The following KIAA1549L variants were observed in gnomAD, a reference collection of about 807,000 sequenced individuals.
KIAA1549L encodes the protein KIAA1549 like.
Under a neutral mutation model 160.7 loss-of-function variants are expected in KIAA1549L, and 88 were observed. The ratio of observed to expected loss-of-function variants is 0.55; its 90% confidence interval spans 0.46 to 0.65. The LOEUF (loss-of-function observed/expected upper bound fraction) is 0.65. Among genes scored for constraint, KIAA1549L ranks in the 30% least tolerant of loss-of-function variants. The pLI, the probability that KIAA1549L is intolerant of heterozygous loss-of-function variation, is 0.00. For missense variants in KIAA1549L, 2,258 were observed against 2,437.5 expected (o/e 0.93, Z 1.55); for synonymous variants, 950 against 976.7 (o/e 0.97, Z 0.51).
intron 1 of KIAA1549L, among the ~76,000 whole-genome samples, chr11:33,516,683 A>C (rs549844516): frequency 6.6e-6 from 1 of 152,172 alleles, no homozygotes; most frequent in Non-Finnish European, 1.5e-5. Flanking sequence ...ATTCAGTCTT[A>C]AAACAAACAA....
chr11:33,413,035 G>C (rs949185367), intron 1 of KIAA1549L, among the ~76,000 whole-genome samples: 2 of 151,990 alleles, frequency 1.3e-5, no homozygotes, highest in African/African-American at 4.8e-5. Flanking sequence ...GAGGGAATAT[G>C]AATAAAATTT....
At chr11:33,584,929 A>G (rs921794008) in intron 11 of KIAA1549L, among the ~76,000 whole-genome samples, 1 of 152,208 alleles carries the variant, frequency 6.6e-6, no homozygotes, top group Non-Finnish European at 1.5e-5. Flanking sequence ...AGCCATTGGA[A>G]TGCATGTCGG....
At chr11:33,435,344 T>C (rs547563348) in intron 1 of KIAA1549L, among the ~76,000 whole-genome samples, 1 of 152,254 alleles carries the variant, frequency 6.6e-6, no homozygotes, top group African/African-American at 2.4e-5. Context: ...GAATGGACAT[T>C]TGCTTTATAG....
chr11:33,499,671 C>T (rs1331889456), intron 1 of KIAA1549L, among the ~76,000 whole-genome samples: 3 of 152,162 alleles, frequency 2.0e-5, no homozygotes, highest in Admixed American at 2.0e-4. Flanking sequence ...TATCTCACTT[C>T]CACGTCCCCT....
chr11:33,625,629 G>GT (rs1221201434), intron 16 of KIAA1549L, among the ~76,000 whole-genome samples: 3,094 of 151,412 alleles, frequency 0.02, 104 homozygotes, highest in African/African-American at 0.066. Context: ...TTGTAAATTT[G>GT]TTGAGTTCAT....
At chr11:33,477,507 G>GCACGCGCA (rs374982374) in intron 1 of KIAA1549L, among the ~76,000 whole-genome samples, 243 of 131,818 alleles carry the variant, frequency 1.8e-3, no homozygotes, top group Admixed American at 8.3e-3. Context: ...GCAGGTGCAC[G>GCACGCGCA]CACACACACA....
chr11:33,598,720 G>T (rs1045922273), intron 12 of KIAA1549L, 100 bp from the exon 13 acceptor site: 1 of 1,370,254 alleles, frequency 7.3e-7, no homozygotes, highest in Non-Finnish European at 1.0e-6. Flanking sequence ...AAACTGGAAT[G>T]AAAGGCTACA....
At chr11:33,532,618 C>T (rs550514405) in intron 1 of KIAA1549L, among the ~76,000 whole-genome samples, 1 of 152,338 alleles carries the variant, frequency 6.6e-6, no homozygotes, top group African/African-American at 2.4e-5. Context: ...TGAATCCAGC[C>T]AGTCTGATTC....
At chr11:33,629,564 T>C (rs1359326842) in intron 16 of KIAA1549L, among the ~76,000 whole-genome samples, 1 of 151,902 alleles carries the variant, frequency 6.6e-6, no homozygotes, top group Non-Finnish European at 1.5e-5. Flanking sequence ...ATACCCTTTC[T>C]TCCAGTTGAT....
At chr11:33,663,754 C>G (rs1207620548) in intron 20 of KIAA1549L, among the ~76,000 whole-genome samples, 1 of 152,208 alleles carries the variant, frequency 6.6e-6, no homozygotes, top group Admixed American at 6.5e-5. Context: ...CCTGCTCTTG[C>G]TCTGCACAAT....
intron 13 of KIAA1549L, among the ~76,000 whole-genome samples, chr11:33,605,887 A>T (rs1230710964): frequency 6.6e-6 from 1 of 152,218 alleles, no homozygotes; most frequent in Non-Finnish European, 1.5e-5. Flanking sequence ...GGGCCCTGGA[A>T]CTTCTGTCAG....
intron 1 of KIAA1549L, among the ~76,000 whole-genome samples, chr11:33,489,338 G>A (rs1394638438): frequency 1.3e-5 from 2 of 152,168 alleles, no homozygotes; most frequent in African/African-American, 4.8e-5. Context: ...GAGGGAGAGA[G>A]AGGGAAAGAT....
At chr11:33,621,589 C>G (rs1020968058) in intron 16 of KIAA1549L, among the ~76,000 whole-genome samples, 1 of 151,958 alleles carries the variant, frequency 6.6e-6, no homozygotes, top group Non-Finnish European at 1.5e-5. Flanking sequence ...AAAAATATCT[C>G]TATTTCAAAG....
intron 1 of KIAA1549L, among the ~76,000 whole-genome samples, chr11:33,464,916 T>G (rs1454499904): frequency 6.6e-6 from 1 of 152,102 alleles, no homozygotes; most frequent in Non-Finnish European, 1.5e-5. Flanking sequence ...CCAGCTAGAT[T>G]GAACTTCGTG....
At chr11:33,606,895 T>C in intron 14 of KIAA1549L, 73 bp downstream of exon 14, 1 of 1,296,080 alleles carries the variant, frequency 7.7e-7, no homozygotes, top group Non-Finnish European at 1.1e-6. Context: ...GAACAACACC[T>C]GTGAATACTG....
chr11:33,562,818 A>G (rs1321740927), intron 8 of KIAA1549L, among the ~76,000 whole-genome samples: 2 of 151,488 alleles, frequency 1.3e-5, no homozygotes, highest in African/African-American at 2.4e-5. Flanking sequence ...AGCTGGGATT[A>G]CAGGCACACA....
At chr11:33,407,552 T>C (rs1367296190) in intron 1 of KIAA1549L, among the ~76,000 whole-genome samples, 1 of 152,034 alleles carries the variant, frequency 6.6e-6, no homozygotes, top group Non-Finnish European at 1.5e-5. Context: ...TTTCACCGTG[T>C]TGGCCAGGCT....
At chr11:33,468,164 A>G (rs549919668) in intron 1 of KIAA1549L, among the ~76,000 whole-genome samples, 1 of 152,340 alleles carries the variant, frequency 6.6e-6, no homozygotes, top group South Asian at 2.1e-4. Flanking sequence ...TTTGGATCCT[A>G]AAACAAATCG....
rs1292717083 is a variant in KIAA1549L at position 33,591,290 on chromosome 11, TGAG to T, written c.4625_4627del (p.Glu1542del). On this transcript the variant is annotated inframe_deletion, in exon 12 of 21. Coordinates refer to ENST00000658780, the MANE Select transcript of KIAA1549L (RefSeq NM_012194.3). ...AACACCTGGGCCAGCAAGGGGCAGATGAGGAGGTCATCCCTGTGACTCAGGAGA... is the reference window on the plus strand; with the variant it reads ...AACACCTGGGCCAGCAAGGGGCAGATGAGGTCATCCCTGTGACTCAGGAGA... 3 of 1,613,688 alleles carry T rather than the reference TGAG, an allele frequency of 1.9e-6. No individual in the cohort carries two copies. The highest frequency in any genetic ancestry group is 1.3e-5 in the African/African-American group (1 of 75,052).
Sources: gnomAD v4.1 joint callset for allele counts (sites outside exome capture counted in the v4.1 genomes callset) on GRCh38, gnomAD v4.1.1 for gene constraint, MANE v1.5 for transcripts, NCBI Gene and HGNC (gene_info 2026-07-23, HGNC 2026-07-21) for gene names.